The following CHODL variants were observed in gnomAD, a reference collection of about 807,000 sequenced individuals.
CHODL encodes the protein transmembrane protein MT75.
CHODL carries 29 observed loss-of-function variants against 34.5 expected under a neutral mutation model. That is an observed-to-expected ratio of 0.84 (90% CI 0.63 to 1.15). The LOEUF is 1.15. Ranked by LOEUF, CHODL falls within the 50% of genes most tolerant of loss-of-function variation. The probability of loss-of-function intolerance (pLI) is 0.00; values close to 1 mark genes in which losing one functional copy is unlikely to be tolerated. For synonymous variants in CHODL, 125 were observed against 116.1 expected, an observed-to-expected ratio of 1.08 and a Z score of -0.49; for missense variants, 332 against 332.5, an observed-to-expected ratio of 1.00 and a Z score of 0.01.
At chr21:18,260,962 G>T (rs2074374544) in intron 4 of CHODL, among the ~76,000 whole-genome samples, 1 of 152,132 alleles carries the variant, frequency 6.6e-6, no homozygotes. Context: ...AACAGGGGTG[G>T]GCTGGTAAAT....
chr21:17,927,124 GTA>G (rs201448751), intron 1 of CHODL, among the ~76,000 whole-genome samples: 4,336 of 114,578 alleles, frequency 0.038, 231 homozygotes, highest in African/African-American at 0.14. Context: ...ATGTATATAT[GTA>G]TATATATGTA....
At chr21:18,005,979 A>G (rs1425208966) in intron 1 of CHODL, among the ~76,000 whole-genome samples, 2 of 152,148 alleles carry the variant, frequency 1.3e-5, no homozygotes, top group African/African-American at 4.8e-5. Flanking sequence ...TGACTGAATT[A>G]TGGGGGCGGG....
chr21:18,193,902 C>T lies in CHODL; in HGVS notation c.-44-62607C>T, dbSNP rs535388138. The stretch of plus-strand genomic sequence containing the variant: ...TTTTCTTTCTCGCCCTAGAAACCTG[C>T]CCCCCCTTGGTAAATGACACCATTA... On this transcript the variant is annotated intron_variant, in intron 2 of 6. Coordinates refer to the CHODL transcript ENST00000400127. 6.1e-3 allele frequency among the ~76,000 whole-genome samples: 926 copies of T among 151,840 alleles called. 2 individuals are homozygous for T. Among genetic ancestry groups the T allele is most frequent in the Non-Finnish European group, 0.011 (716 of 67,956 alleles).
chr21:17,936,498 A>T (rs971693213), intron 1 of CHODL, among the ~76,000 whole-genome samples: 1 of 151,874 alleles, frequency 6.6e-6, no homozygotes, highest in Non-Finnish European at 1.5e-5. Context: ...GAAAGAGTCC[A>T]TTTGGAAAAT....
intron 2 of CHODL, among the ~76,000 whole-genome samples, chr21:18,175,454 G>C (rs1301257104): frequency 6.6e-6 from 1 of 152,062 alleles, no homozygotes; most frequent in Admixed American, 6.5e-5. Context: ...TTAGCTGGGC[G>C]TGGTGGTGTG....
intron 1 of CHODL, among the ~76,000 whole-genome samples, chr21:17,999,568 A>G (rs1441006702): frequency 6.6e-6 from 1 of 152,224 alleles, no homozygotes; most frequent in East Asian, 1.9e-4. Flanking sequence ...CCTCACAATC[A>G]TGGTGGGAGA....
intron 1 of CHODL, among the ~76,000 whole-genome samples, chr21:17,954,158 CAAG>C (rs1348303493): frequency 6.6e-6 from 1 of 151,778 alleles, no homozygotes; most frequent in Non-Finnish European, 1.5e-5. Context: ...GATTTTAAGA[CAAG>C]GAGTATTACA....
At chr21:17,990,053 A>G (rs1168599980) in intron 1 of CHODL, among the ~76,000 whole-genome samples, 1 of 152,114 alleles carries the variant, frequency 6.6e-6, no homozygotes, top group Non-Finnish European at 1.5e-5. Context: ...TAATCAGTAT[A>G]TAGGACTTTG....
rs2063177714 is a variant in CHODL at position 17,920,785 on chromosome 21, G to T, written c.-145+3385G>T. On this transcript the variant is annotated intron_variant, in intron 1 of 6. Transcript: ENST00000400127. Reference sequence around the variant, plus strand: ...ACATCTGACTGTATACTGCTAGTGAGGTAGTCAGAGGCCCCACTGAAGACA... The same window carrying T: ...ACATCTGACTGTATACTGCTAGTGATGTAGTCAGAGGCCCCACTGAAGACA... Among the ~76,000 whole-genome samples the T allele has an allele frequency of 2.0e-5, 3 of 152,174 alleles. No homozygotes were observed. The South Asian group carries it at 6.2e-4, about 32-fold the overall frequency.
chr21:18,121,934 C>T (rs1429534618), intron 2 of CHODL, among the ~76,000 whole-genome samples: 1 of 152,054 alleles, frequency 6.6e-6, no homozygotes, highest in African/African-American at 2.4e-5. Flanking sequence ...GTGTAAATTC[C>T]ATGAATGCAG....
intron 2 of CHODL, among the ~76,000 whole-genome samples, chr21:18,208,194 G>T (rs1601149432): frequency 3.0e-5 from 4 of 133,078 alleles, no homozygotes; most frequent in African/African-American, 3.3e-5. Flanking sequence ...GGTCTGCTCT[G>T]ACTGTGCAAT....
chr21:18,087,825 CAT>C (rs1216832695), intron 2 of CHODL, among the ~76,000 whole-genome samples: 2 of 152,118 alleles, frequency 1.3e-5, no homozygotes, highest in Non-Finnish European at 2.9e-5. Context: ...ACTACAAAGA[CAT>C]ACCTGAGACT....
chr21:18,260,209 C>A lies in CHODL; in HGVS notation c.557C>A (p.Pro186Gln), dbSNP rs766908913. 2 of 1,555,022 alleles carry A rather than the reference C, an allele frequency of 1.3e-6. No individual in the cohort carries two copies. Among genetic ancestry groups the A allele is most frequent in the Admixed American group, 1.9e-5 (1 of 51,696 alleles). The change falls in exon 4 of 6, where the codon CCA (proline) becomes CAA (glutamine). Residue 186 changes from proline (P) to glutamine (Q), a missense_variant. Physicochemically the swap from Pro to Gln is moderately conservative, Grantham distance 76. Coordinates refer to ENST00000299295, the MANE Select transcript of CHODL (RefSeq NM_024944.3). ...TTCTTATTATTTACAGAGATTAATC[C>A]AACAGCCCCTGTAGAAAAGCCTTAT... ...YICKYEPEINPTAPVEKPYLT... is the reference protein window; with the variant it reads ...YICKYEPEINQTAPVEKPYLT...
At chr21:18,021,376 T>C (rs192814167) in intron 1 of CHODL, among the ~76,000 whole-genome samples, 10 of 152,330 alleles carry the variant, frequency 6.6e-5, no homozygotes, top group Admixed American at 6.5e-4. Context: ...TGAGCTTTAC[T>C]GCCCCCATAC....
intron 1 of CHODL, among the ~76,000 whole-genome samples, chr21:18,248,933 AT>A (rs1490486103): frequency 8.8e-6 from 1 of 113,886 alleles, no homozygotes; most frequent in Non-Finnish European, 1.6e-5. Context: ...ATGTATACAT[AT>A]ATATTATGTA....
chr21:18,028,696 TC>T (rs2064212490), intron 2 of CHODL, among the ~76,000 whole-genome samples: 2 of 80,706 alleles, frequency 2.5e-5, no homozygotes, highest in East Asian at 3.4e-4. Flanking sequence ...CAAAACTCCA[TC>T]TAAAAAAAAA....
At chr21:18,112,828 G>A in intron 2 of CHODL, among the ~76,000 whole-genome samples, 1 of 152,078 alleles carries the variant, frequency 6.6e-6, no homozygotes, top group Non-Finnish European at 1.5e-5. Context: ...GAAAACATTG[G>A]GGAAACTTTC....
intron 1 of CHODL, among the ~76,000 whole-genome samples, chr21:17,933,121 T>C (rs2063288910): frequency 6.6e-6 from 1 of 152,208 alleles, no homozygotes; most frequent in African/African-American, 2.4e-5. Flanking sequence ...GGTTTTCCCC[T>C]ATCTCAGTAG....
chr21:18,248,949 T>C (rs1347146291), intron 1 of CHODL, among the ~76,000 whole-genome samples: 2 of 112,248 alleles, frequency 1.8e-5, no homozygotes, highest in Non-Finnish European at 3.2e-5. Context: ...TATGTATACA[T>C]ATATATGTAA....
Sources: allele counts gnomAD v4.1 joint callset (sites outside exome capture counted in the v4.1 genomes callset), GRCh38; gene constraint gnomAD v4.1.1; transcripts MANE v1.5; gene names NCBI Gene and HGNC (gene_info 2026-07-23, HGNC 2026-07-21).